NLN: variants seen among roughly 807,000 people sequenced by gnomAD.
NLN encodes neurolysin, mitochondrial.
NLN carries 64 observed loss-of-function variants against 79.9 expected under a neutral mutation model. The observed-to-expected ratio is 0.80, with a 90% CI of 0.65 to 0.99. The LOEUF (loss-of-function observed/expected upper bound fraction) is 0.99, where lower values mean the gene tolerates loss of function less well. Among genes scored for constraint, NLN ranks in the 50% least tolerant of loss-of-function variants. The pLI, the probability that NLN is intolerant of heterozygous loss-of-function variation, is 0.00. For missense variants in NLN, 835 were observed against 858.7 expected (o/e 0.97, Z 0.34); for synonymous variants, 267 against 296.6 (o/e 0.90, Z 1.02).
At chr5:65,750,009 C>G (rs955429407) in intron 1 of NLN, among the ~76,000 whole-genome samples, 2 of 152,172 alleles carry the variant, frequency 1.3e-5, no homozygotes, top group Non-Finnish European at 2.9e-5. Flanking sequence ...GTTCTCCCTT[C>G]CTCTGTTTCT....
rs1760898577 is a variant in NLN at position 65,825,503 on chromosome 5, CAGAGA to C, written c.*2595_*2599del. ...CTAAAGGTTTAGTTTTACGATGCTG[CAGAGA>C]AGAGAAATGTCTTGACGTTTTGCCA... On this transcript the variant is annotated 3_prime_UTR_variant, in exon 13 of 13. Transcript: ENST00000380985. 6.6e-6 allele frequency: 1 copy of C among 152,010 alleles called. No homozygotes were observed. Among genetic ancestry groups the C allele is most frequent in the Non-Finnish European group, 1.5e-5 (1 of 68,026 alleles). The allele number at this position is 152,010 out of a possible 1,614,324, so 9.4% of individuals were successfully genotyped here.
rs375538055 is a variant in NLN, at chr5:65,781,265, T to G, written c.666T>G (p.Ala222=). 3.7e-6 allele frequency: 6 copies of G among 1,604,714 alleles called. No homozygotes were observed. Among genetic ancestry groups the G allele is most frequent in the Non-Finnish European group, 5.1e-6 (6 of 1,175,364 alleles). ...FLVFSKAELG[A]LPDDFIDSLE... ...TGAGAAAATGATTTTTTGCAGGTGC[T>G]CTTCCTGATGATTTCATTGACAGTT... is the stretch of plus-strand genomic sequence containing the variant. Residue 222 remains alanine (A), a synonymous_variant, in exon 6 of 13, where the codon GCT becomes GCG. Transcript: ENST00000380985.
rs958332299 is a variant in NLN at position 65,725,118 on chromosome 5, T to C, written c.41+2704T>C. ...CTGCGCCCGGCAGAAGTGGCACTGT[T>C]TCGCATTTTTGCAAAACTAATGTGT... On this transcript the variant is annotated intron_variant, in intron 1 of 12. Transcript: ENST00000380985. Among the ~76,000 whole-genome samples, 3 of 152,260 alleles carry C rather than the reference T, an allele frequency of 2.0e-5. No homozygotes were observed. In the South Asian group the frequency reaches 6.2e-4, roughly 32 times the overall value.
intron 9 of NLN, among the ~76,000 whole-genome samples, chr5:65,794,943 G>C (rs1290812745): frequency 6.6e-6 from 1 of 152,206 alleles, no homozygotes; most frequent in Non-Finnish European, 1.5e-5. Flanking sequence ...GAGGGGAATA[G>C]TATATGAGTA....
chr5:65,740,700 C>G (rs1354315921), intron 1 of NLN, among the ~76,000 whole-genome samples: 1 of 151,788 alleles, frequency 6.6e-6, no homozygotes, highest in African/African-American at 2.4e-5. Flanking sequence ...GCATCTTCGT[C>G]CAAAATCGGT....
chr5:65,799,690 A>C (rs1325181090), intron 9 of NLN, among the ~76,000 whole-genome samples: 2 of 152,214 alleles, frequency 1.3e-5, no homozygotes, highest in African/African-American at 4.8e-5. Context: ...TGTGAACTTA[A>C]TATGCAGTAT....
intron 3 of NLN, among the ~76,000 whole-genome samples, chr5:65,766,654 A>C (rs1159288472): frequency 6.6e-6 from 1 of 152,190 alleles, no homozygotes; most frequent in African/African-American, 2.4e-5. Flanking sequence ...AGTCCCCCAT[A>C]GTCTTAATTC....
Position 65,781,265 on chromosome 5 carries a change from T to C in NLN, c.666T>C (p.Ala222=). The C allele has an allele frequency of 6.2e-7, 1 of 1,604,714 alleles. No individual in the cohort carries two copies. The highest frequency in any genetic ancestry group is 8.5e-7 in the Non-Finnish European group (1 of 1,175,364). Residue 222 remains alanine, a synonymous_variant, in exon 6 of 13, where the codon GCT becomes GCC. Transcript: ENST00000380985. ...TGAGAAAATGATTTTTTGCAGGTGC[T>C]CTTCCTGATGATTTCATTGACAGTT... is the stretch of plus-strand genomic sequence containing the variant. The part of the protein sequence containing the change: ...FLVFSKAELG[A]LPDDFIDSLE...
Position 65,762,985 on chromosome 5 carries a change from C to G in NLN, c.327C>G (p.Pro109=). Reference sequence around the variant, plus strand: ...TGGAAAGGACCATGCTAGACTTTCCCCAGCATGTATCCTCTGACAAAGAAG... The same window carrying G: ...TGGAAAGGACCATGCTAGACTTTCCGCAGCATGTATCCTCTGACAAAGAAG... ...YIVERTMLDF[P]QHVSSDKEVR... is the part of the protein sequence containing the mutation. The change falls in exon 3 of 13, where the codon CCC becomes CCG. Residue 109 remains proline, a synonymous_variant. Transcript: ENST00000380985. 6.2e-7 allele frequency: 1 copy of G among 1,613,784 alleles called. No individual in the cohort carries two copies. Among genetic ancestry groups the G allele is most frequent in the Non-Finnish European group, 8.5e-7 (1 of 1,179,878 alleles).
At chr5:65,821,317 G>T (rs929376156) in intron 12 of NLN, among the ~76,000 whole-genome samples, 1 of 151,998 alleles carries the variant, frequency 6.6e-6, no homozygotes, top group African/African-American at 2.4e-5. Flanking sequence ...TTATGCTCTG[G>T]GCCCTAGACC....
chr5:65,805,669 C>T (rs1367051642), intron 9 of NLN, among the ~76,000 whole-genome samples: 4 of 152,234 alleles, frequency 2.6e-5, no homozygotes, highest in African/African-American at 7.2e-5. Context: ...CATAAAAGTG[C>T]AAGGTGAAGC....
chr5:65,824,028 C>A lies in NLN; in HGVS notation c.*1113C>A, dbSNP rs1760861865. On this transcript the variant is annotated 3_prime_UTR_variant, in exon 13 of 13. Coordinates refer to ENST00000380985, the MANE Select transcript of NLN (RefSeq NM_020726.5). Reference sequence around the variant, plus strand: ...ATTTTAAGTGAACCTTTGGATCTATCTTTAACTCTCTTTATTGTGAGTCTA... The same window carrying A: ...ATTTTAAGTGAACCTTTGGATCTATATTTAACTCTCTTTATTGTGAGTCTA... The A allele has an allele frequency of 6.6e-6, 1 of 152,128 alleles. No homozygotes were observed. The highest frequency in any genetic ancestry group is 2.4e-5 in the African/African-American group (1 of 41,422). The allele number at this position is 152,128 out of a possible 1,614,324, so 9.4% of individuals were successfully genotyped here. A position where few individuals can be genotyped will look rare whatever the true frequency, so the allele number is the denominator to read the frequency against.
At chr5:65,722,523 C>G in intron 1 of NLN, 109 bp downstream of exon 1, 1 of 1,019,936 alleles carries the variant, frequency 9.8e-7, no homozygotes, top group Admixed American at 2.4e-5. Context: ...CTCCGACGCT[C>G]CCGGGACGCA....
chr5:65,744,961 T>C (rs1241064008), intron 1 of NLN, among the ~76,000 whole-genome samples: 1 of 152,236 alleles, frequency 6.6e-6, no homozygotes, highest in Non-Finnish European at 1.5e-5. Context: ...TAAGGAAGAA[T>C]TTGCCATTTC....
chr5:65,784,304 A>G (rs1759868368), intron 6 of NLN, among the ~76,000 whole-genome samples: 1 of 152,260 alleles, frequency 6.6e-6, no homozygotes, highest in African/African-American at 2.4e-5. Context: ...TGTATTTTTA[A>G]TACAAATAAA....
intron 9 of NLN, among the ~76,000 whole-genome samples, chr5:65,803,182 C>T (rs1760327706): frequency 1.3e-5 from 2 of 152,212 alleles, no homozygotes; most frequent in Non-Finnish European, 2.9e-5. Context: ...GCCTGGCCCC[C>T]AGGCTTCAGG....
In NLN at chr5:65,814,014, G is replaced by A. The variant is rs148642193; in HGVS notation, c.1980+1623G>A. ...TGTCTTATTTTCTCCTGTCTCAGAG[G>A]AGATGTCTCTAGCTCCAGGAGTTCC... On this transcript the variant is annotated intron_variant, in intron 12 of 12. Coordinates refer to ENST00000380985, the MANE Select transcript of NLN (RefSeq NM_020726.5). Among the ~76,000 whole-genome samples, 19 of 152,172 alleles carry A rather than the reference G, an allele frequency of 1.2e-4. No homozygotes were observed. The East Asian group carries it at 3.7e-3, about 29-fold the overall frequency.
At chr5:65,794,241 A>C (rs1338965716) in intron 9 of NLN, among the ~76,000 whole-genome samples, 1 of 152,210 alleles carries the variant, frequency 6.6e-6, no homozygotes, top group Non-Finnish European at 1.5e-5. Flanking sequence ...GGGAAACTTC[A>C]AAAGAAAGTA....
At chr5:65,806,809 G>A (rs751161788) in intron 9 of NLN, among the ~76,000 whole-genome samples, 9 of 152,124 alleles carry the variant, frequency 5.9e-5, no homozygotes, top group South Asian at 2.1e-4. Flanking sequence ...TAACAGCATC[G>A]CATGCTACCA....
Sources: allele counts gnomAD v4.1 joint callset (sites outside exome capture counted in the v4.1 genomes callset), GRCh38; gene constraint gnomAD v4.1.1; transcripts MANE v1.5; gene names NCBI Gene and HGNC (gene_info 2026-07-23, HGNC 2026-07-21).